The following PPP1R14C variants were observed in gnomAD, a reference collection of about 807,000 sequenced individuals.
PPP1R14C encodes the protein protein phosphatase 1 regulatory subunit 14C.
Under a neutral mutation model 20.4 loss-of-function variants are expected in PPP1R14C, and 16 were observed. The observed-to-expected ratio is 0.78, with a 90% CI of 0.53 to 1.19. The LOEUF (loss-of-function observed/expected upper bound fraction) is 1.19, where lower values mean the gene tolerates loss of function less well. Among genes scored for constraint, PPP1R14C ranks in the 50% most tolerant of loss-of-function variants. PPP1R14C has a pLI of 0.00. For synonymous variants in PPP1R14C, 91 were observed against 91.0 expected (o/e 1.00, Z 0.00); for missense variants, 211 against 220.1 (o/e 0.96, Z 0.26).
intron 1 of PPP1R14C, among the ~76,000 whole-genome samples, chr6:150,177,597 C>T (rs79664274): frequency 0.012 from 1,820 of 152,276 alleles, 38 homozygotes; most frequent in African/African-American, 0.04. Context: ...TCTCTCTCCC[C>T]GGTAGGGTTC....
intron 1 of PPP1R14C, among the ~76,000 whole-genome samples, chr6:150,202,292 C>G (rs1777888207): frequency 6.6e-6 from 1 of 152,210 alleles, no homozygotes; most frequent in African/African-American, 2.4e-5. Flanking sequence ...TACCCCCACT[C>G]TGTCACGCAG....
At chr6:150,212,944 A>G (rs774411380) in intron 1 of PPP1R14C, among the ~76,000 whole-genome samples, 22 of 152,186 alleles carry the variant, frequency 1.4e-4, no homozygotes, top group Non-Finnish European at 2.6e-4. Flanking sequence ...CGATGCTCCT[A>G]GCCATCGAAA....
At chr6:150,229,499 A>T (rs1778268016) in intron 3 of PPP1R14C, among the ~76,000 whole-genome samples, 1 of 152,204 alleles carries the variant, frequency 6.6e-6, no homozygotes, top group Admixed American at 6.5e-5. Context: ...GGGTTAATGA[A>T]CTGTTCTGCT....
chr6:150,228,886 C>CT (rs2114922404), intron 3 of PPP1R14C, among the ~76,000 whole-genome samples: 1 of 152,192 alleles, frequency 6.6e-6, no homozygotes, highest in East Asian at 1.9e-4. Context: ...GTGGGCCTTG[C>CT]TTTTGGGTGC....
chr6:150,149,700 C>A (rs1471696560), intron 1 of PPP1R14C, among the ~76,000 whole-genome samples: 1 of 152,070 alleles, frequency 6.6e-6, no homozygotes, highest in Admixed American at 6.5e-5. Flanking sequence ...CATAGCATGT[C>A]AGTGTTGTTA....
intron 3 of PPP1R14C, among the ~76,000 whole-genome samples, chr6:150,223,719 T>C (rs962039129): frequency 6.6e-6 from 1 of 152,202 alleles, no homozygotes; most frequent in Non-Finnish European, 1.5e-5. Context: ...TGTTGTTGAA[T>C]TTTAAGGGTT....
Position 150,216,559 on chromosome 6 carries a change from C to CAAA in PPP1R14C, c.391-255_391-253dup, listed in dbSNP as rs34550270. On this transcript the variant is annotated intron_variant, in intron 2 of 3. Coordinates refer to ENST00000361131, the MANE Select transcript of PPP1R14C (RefSeq NM_030949.3). ...TATTTTGTTTTCAATGCTATGGTAG[C>CAAA]AAAAAAAAAAAATAAATATTTTCCT... 8.6e-4 allele frequency among the ~76,000 whole-genome samples: 123 copies of CAAA among 142,964 alleles called. 1 individual carries two copies. The highest frequency in any genetic ancestry group is 2.6e-3 in the African/African-American group (103 of 39,936). The allele number at this position is 142,964 out of a possible 152,430, so 93.8% of individuals were successfully genotyped here.
intron 1 of PPP1R14C, among the ~76,000 whole-genome samples, chr6:150,170,731 C>T (rs141846273): frequency 6.7e-6 from 1 of 148,414 alleles, no homozygotes. Flanking sequence ...AAGAGTGATA[C>T]GTGATGAGGT....
At chr6:150,196,459 T>G (rs1777805842) in intron 1 of PPP1R14C, among the ~76,000 whole-genome samples, 1 of 152,200 alleles carries the variant, frequency 6.6e-6, no homozygotes, top group South Asian at 2.1e-4. Context: ...AGGACTTTTT[T>G]TTTTTTTGAA....
intron 3 of PPP1R14C, among the ~76,000 whole-genome samples, chr6:150,234,723 C>T (rs868087908): frequency 6.6e-6 from 1 of 151,978 alleles, no homozygotes; most frequent in Middle Eastern, 3.4e-3. Flanking sequence ...GTGGTGCACA[C>T]CTGTAGTCCC....
chr6:150,160,043 C>T (rs918597117), intron 1 of PPP1R14C, among the ~76,000 whole-genome samples: 4 of 152,144 alleles, frequency 2.6e-5, no homozygotes, highest in East Asian at 3.9e-4. Context: ...GATTAGACTG[C>T]GTTTATGGGT....
chr6:150,225,510 C>T (rs552175351), intron 3 of PPP1R14C, among the ~76,000 whole-genome samples: 7 of 152,288 alleles, frequency 4.6e-5, no homozygotes, highest in Admixed American at 2.0e-4. Context: ...CCCTCTACTT[C>T]GGGGGCATTT....
chr6:150,219,845 T>C (rs1196794625), intron 3 of PPP1R14C, among the ~76,000 whole-genome samples: 1 of 150,006 alleles, frequency 6.7e-6, no homozygotes, highest in Non-Finnish European at 1.5e-5. Context: ...TTTGTGTGTA[T>C]AAGAACGGCT....
chr6:150,210,202 C>T (rs1200435144), intron 1 of PPP1R14C, among the ~76,000 whole-genome samples: 1 of 152,004 alleles, frequency 6.6e-6, no homozygotes, highest in Non-Finnish European at 1.5e-5. Context: ...CAAGTTGGGG[C>T]AAGGGGGCTG....
At chr6:150,156,332 G>A (rs1262475144) in intron 1 of PPP1R14C, among the ~76,000 whole-genome samples, 1 of 149,046 alleles carries the variant, frequency 6.7e-6, no homozygotes, top group Non-Finnish European at 1.5e-5. Context: ...TAGAAGTAAT[G>A]CTTTTTCTAA....
intron 1 of PPP1R14C, among the ~76,000 whole-genome samples, chr6:150,174,494 G>A (rs997659862): frequency 2.6e-5 from 4 of 151,986 alleles, no homozygotes; most frequent in Admixed American, 6.5e-5. Context: ...GGGATTACAG[G>A]CGTGAGCCAC....
At chr6:150,153,021 G>A (rs980049414) in intron 1 of PPP1R14C, among the ~76,000 whole-genome samples, 3 of 152,176 alleles carry the variant, frequency 2.0e-5, no homozygotes, top group Non-Finnish European at 4.4e-5. Flanking sequence ...GCCATGCAAG[G>A]GCACAGCGTG....
intron 1 of PPP1R14C, among the ~76,000 whole-genome samples, chr6:150,211,966 C>T (rs1343534573): frequency 6.6e-6 from 1 of 152,190 alleles, no homozygotes; most frequent in Non-Finnish European, 1.5e-5. Flanking sequence ...GAGATCTGGG[C>T]TTTGTTTGCA....
At chr6:150,232,265 T>G (rs1369469497) in intron 3 of PPP1R14C, among the ~76,000 whole-genome samples, 1 of 152,236 alleles carries the variant, frequency 6.6e-6, no homozygotes, top group African/African-American at 2.4e-5. Flanking sequence ...ACTTTTCTTT[T>G]GAGTTGTTGG....
Sources: gnomAD v4.1 joint callset for allele counts (sites outside exome capture counted in the v4.1 genomes callset) on GRCh38, gnomAD v4.1.1 for gene constraint, MANE v1.5 for transcripts, NCBI Gene and HGNC (gene_info 2026-07-23, HGNC 2026-07-21) for gene names.